Variants in STARD13 observed in about 807,000 individuals in gnomAD.
STARD13 encodes stAR-related lipid transfer protein 13.
Under a neutral mutation model 106.4 loss-of-function variants are expected in STARD13, and 62 were observed. The ratio of observed to expected loss-of-function variants is 0.58; its 90% CI spans 0.48 to 0.72. STARD13 has a LOEUF of 0.72. STARD13 is among the 30% of genes least tolerant of loss of function. STARD13 has a pLI of 0.00. For synonymous variants in STARD13, 565 were observed against 553.0 expected, an observed-to-expected ratio of 1.02 and a Z score of -0.31; for missense variants, 1,387 against 1,424.0, an observed-to-expected ratio of 0.97 and a Z score of 0.42.
intron 1 of STARD13, among the ~76,000 whole-genome samples, chr13:33,187,491 C>A (rs1018734705): frequency 2.0e-5 from 3 of 152,088 alleles, no homozygotes; most frequent in Non-Finnish European, 2.9e-5. Context: ...AAACCTGAGA[C>A]CTGTTCAGAA....
At chr13:33,570,620 A>G in the STARD13 span, among the ~76,000 whole-genome samples, 1 of 121,412 alleles carries the variant, frequency 8.2e-6, no homozygotes, top group Non-Finnish European at 1.8e-5. Context: ...CAACCTGTTT[A>G]CTGAGACTGT....
the STARD13 span, among the ~76,000 whole-genome samples, chr13:33,540,308 G>C: frequency 6.6e-6 from 1 of 152,162 alleles, no homozygotes; most frequent in African/African-American, 2.4e-5. Flanking sequence ...TCCACTTAAA[G>C]GAAGCACATT....
the STARD13 span, among the ~76,000 whole-genome samples, chr13:33,598,347 C>CT: frequency 6.6e-6 from 1 of 152,318 alleles, no homozygotes; most frequent in South Asian, 2.1e-4. Flanking sequence ...CTGTTCTCAA[C>CT]TGTCTCTGAA....
At chr13:33,202,458 A>C (rs976704927) in intron 1 of STARD13, among the ~76,000 whole-genome samples, 1 of 152,220 alleles carries the variant, frequency 6.6e-6, no homozygotes, top group Non-Finnish European at 1.5e-5. Flanking sequence ...TTCACTTGAC[A>C]AACATTACTT....
At chr13:33,497,115 G>A in the STARD13 span, among the ~76,000 whole-genome samples, 6 of 152,144 alleles carry the variant, frequency 3.9e-5, no homozygotes, top group African/African-American at 1.2e-4. Flanking sequence ...TAATTAGCAC[G>A]ACCTCAGAAT....
At chr13:33,397,991 C>T in the STARD13 span, among the ~76,000 whole-genome samples, 1 of 152,192 alleles carries the variant, frequency 6.6e-6, no homozygotes, top group South Asian at 2.1e-4. Context: ...AGGATTTCAG[C>T]ATTTGAATTT....
At chr13:33,491,769 G>A in the STARD13 span, among the ~76,000 whole-genome samples, 1 of 152,202 alleles carries the variant, frequency 6.6e-6, no homozygotes, top group Admixed American at 6.5e-5. Context: ...AGAGTTCTGA[G>A]GAATAAGGTT....
chr13:33,645,321 C>G, the STARD13 span, among the ~76,000 whole-genome samples: 1 of 152,168 alleles, frequency 6.6e-6, no homozygotes, highest in Non-Finnish European at 1.5e-5. Flanking sequence ...TAACAGCCAG[C>G]ATCAACTGTC....
the STARD13 span, among the ~76,000 whole-genome samples, chr13:33,388,109 G>C: frequency 6.6e-6 from 1 of 152,164 alleles, no homozygotes; most frequent in African/African-American, 2.4e-5. Context: ...CTGCAACATA[G>C]AGTTTCTCTT....
At chr13:33,111,738 A>C in intron 10 of STARD13, 40 bp downstream of exon 10, 26 of 1,228,182 alleles carry the variant, frequency 2.1e-5, no homozygotes, top group Non-Finnish European at 2.9e-5. Context: ...TCTAGTTCCA[A>C]GAGCTACTAG....
chr13:33,568,918 C>G, the STARD13 span, among the ~76,000 whole-genome samples: 1 of 147,802 alleles, frequency 6.8e-6, no homozygotes, highest in Non-Finnish European at 1.5e-5. Flanking sequence ...CAATTGAGTT[C>G]TCCTATAGAA....
intron 1 of STARD13, among the ~76,000 whole-genome samples, chr13:33,314,609 G>A (rs1001952867): frequency 2.0e-5 from 3 of 152,172 alleles, no homozygotes; most frequent in Admixed American, 6.5e-5. Flanking sequence ...TATTTGATAA[G>A]TGAATGAAAC....
At chr13:33,431,583 C>T in the STARD13 span, among the ~76,000 whole-genome samples, 43 of 152,200 alleles carry the variant, frequency 2.8e-4, no homozygotes, top group Non-Finnish European at 4.9e-4. Flanking sequence ...AAAAGCAAAA[C>T]ATTAAGCAAT....
chr13:33,381,402 T>TG, the STARD13 span, among the ~76,000 whole-genome samples: 2 of 152,290 alleles, frequency 1.3e-5, no homozygotes, highest in Admixed American at 1.3e-4. Context: ...ACATTACATA[T>TG]TCAGAAAAGC....
chr13:33,350,744 C>T (rs2078070575), upstream of STARD13: 1 of 880,520 alleles, frequency 1.1e-6, no homozygotes. Context: ...CCCCTGGCTG[C>T]CTCGCGCCCC....
intron 1 of STARD13, among the ~76,000 whole-genome samples, chr13:33,211,218 A>G (rs1887696934): frequency 6.6e-6 from 1 of 151,050 alleles, no homozygotes; most frequent in Non-Finnish European, 1.5e-5. Flanking sequence ...ATTACATAAA[A>G]CATGAAAGAT....
chr13:33,177,751 A>AAAGGAAGGAAGGAAGGAAAGGAAGGAAGG (rs1884678784), intron 1 of STARD13, among the ~76,000 whole-genome samples: 1 of 60,834 alleles, frequency 1.6e-5, no homozygotes, highest in African/African-American at 5.7e-5. Context: ...AGGAAGGAAA[A>AAAGGAAGGAAGGAAGGAAAGGAAGGAAGG]AAGGAAGGAA....
the STARD13 span, among the ~76,000 whole-genome samples, chr13:33,552,287 A>G: frequency 6.6e-6 from 1 of 152,350 alleles, no homozygotes; most frequent in East Asian, 1.9e-4. Flanking sequence ...CACGATCAGC[A>G]GACTACTGAT....
the STARD13 span, among the ~76,000 whole-genome samples, chr13:33,540,147 T>C: frequency 6.6e-6 from 1 of 152,246 alleles, no homozygotes; most frequent in Admixed American, 6.5e-5. Flanking sequence ...ACCTAGTGGA[T>C]GCCTGAACCT....
Sources: allele counts gnomAD v4.1 joint callset (sites outside exome capture counted in the v4.1 genomes callset), GRCh38; gene constraint gnomAD v4.1.1; transcripts MANE v1.5; gene names NCBI Gene and HGNC (gene_info 2026-07-23, HGNC 2026-07-21).